Variants in RIT2 observed in about 807,000 individuals in gnomAD.
The protein encoded by RIT2 is Ras like without CAAX 2.
A neutral mutation model predicts 23.7 loss-of-function variants in RIT2; 24 were observed. That is an observed-to-expected ratio of 1.01 (90% CI 0.73 to 1.43). The LOEUF (loss-of-function observed/expected upper bound fraction) is 1.43. RIT2 is among the 40% of genes most tolerant of loss of function. RIT2 has a pLI of 0.00. For missense variants in RIT2, 236 were observed against 266.9 expected (o/e 0.88, Z 0.81); for synonymous variants, 107 against 91.1 (o/e 1.17, Z -0.99).
At chr18:43,087,505 A>G (rs1913313760) in intron 1 of RIT2, among the ~76,000 whole-genome samples, 1 of 152,138 alleles carries the variant, frequency 6.6e-6, no homozygotes, top group Non-Finnish European at 1.5e-5. Flanking sequence ...ATTACTTTTA[A>G]TTATTCATGA....
chr18:42,938,480 C>A (rs1363755707), intron 3 of RIT2, among the ~76,000 whole-genome samples: 1 of 152,112 alleles, frequency 6.6e-6, no homozygotes, highest in Non-Finnish European at 1.5e-5. Context: ...TTTGGTACTT[C>A]CTTTCCTCCT....
chr18:43,063,286 C>T (rs1018630142), intron 1 of RIT2, among the ~76,000 whole-genome samples: 1 of 152,148 alleles, frequency 6.6e-6, no homozygotes, highest in South Asian at 2.1e-4. Context: ...ATTTTTCTCA[C>T]AGCCAACCGT....
At chr18:43,013,291 T>A (rs148039709) in intron 2 of RIT2, among the ~76,000 whole-genome samples, 26 of 151,978 alleles carry the variant, frequency 1.7e-4, no homozygotes, top group Non-Finnish European at 3.5e-4. Context: ...TTTTAAACAA[T>A]GCAAACATGA....
chr18:43,112,348 T>C (rs146643717), intron 1 of RIT2, among the ~76,000 whole-genome samples: 1 of 152,222 alleles, frequency 6.6e-6, no homozygotes, highest in Non-Finnish European at 1.5e-5. Flanking sequence ...TAGGACTGAG[T>C]ATAAGCGTGA....
At chr18:42,840,604 C>T (rs113954289) in intron 4 of RIT2, among the ~76,000 whole-genome samples, 3,075 of 152,246 alleles carry the variant, frequency 0.02, 94 homozygotes, top group African/African-American at 0.068. Context: ...CAGGCTCAAG[C>T]GATTCTCTTG....
At chr18:42,897,756 T>A (rs1020886224) in intron 4 of RIT2, among the ~76,000 whole-genome samples, 1 of 152,092 alleles carries the variant, frequency 6.6e-6, no homozygotes, top group Non-Finnish European at 1.5e-5. Flanking sequence ...TAACTAGACA[T>A]ATAATTTTAA....
intron 1 of RIT2, among the ~76,000 whole-genome samples, chr18:43,107,058 G>A (rs184559746): frequency 5.9e-5 from 9 of 152,228 alleles, no homozygotes; most frequent in African/African-American, 1.7e-4. Flanking sequence ...GTGTACAGTC[G>A]CAATCCCACC....
chr18:43,026,573 T>TAAGAAAGAAAGA lies in RIT2; in HGVS notation c.160+7226_160+7237dup, dbSNP rs199513808. On this transcript the variant is annotated intron_variant, in intron 2 of 4. Coordinates refer to ENST00000326695, the MANE Select transcript of RIT2 (RefSeq NM_002930.4). ...GTCAAAAAAAAAAGTAAGAAATAAA[T>TAAGAAAGAAAGA]AAGAAAGAAAGAAAGAAAGAAAGAA... Among the ~76,000 whole-genome samples, 605 of 77,320 alleles carry TAAGAAAGAAAGA rather than the reference T, an allele frequency of 7.8e-3. 12 individuals are homozygous for TAAGAAAGAAAGA. The highest frequency in any genetic ancestry group is 0.015 in the African/African-American group (337 of 22,582). 50.7% of individuals were successfully genotyped at this position (77,320 alleles called of 152,430 possible). A position where few individuals can be genotyped will look rare whatever the true frequency, so the allele number is the denominator to read the frequency against.
At chr18:42,983,682 C>T (rs1021172585) in intron 2 of RIT2, among the ~76,000 whole-genome samples, 2 of 151,888 alleles carry the variant, frequency 1.3e-5, no homozygotes, top group African/African-American at 2.4e-5. Context: ...AATCCAATTA[C>T]AAAGTGATCA....
intron 4 of RIT2, among the ~76,000 whole-genome samples, chr18:42,923,097 A>G (rs373495627): frequency 2.2e-4 from 34 of 152,294 alleles, no homozygotes; most frequent in Admixed American, 4.6e-4. Flanking sequence ...TTACAGTTAC[A>G]TGGTGGCTGG....
At chr18:43,100,987 GTGTT>G (rs1385384867) in intron 1 of RIT2, among the ~76,000 whole-genome samples, 1 of 151,728 alleles carries the variant, frequency 6.6e-6, no homozygotes, top group Non-Finnish European at 1.5e-5. Flanking sequence ...ATATGTGTGT[GTGTT>G]TGTATTCACA....
At chr18:43,011,966 A>C (rs1408813976) in intron 2 of RIT2, among the ~76,000 whole-genome samples, 2 of 151,868 alleles carry the variant, frequency 1.3e-5, no homozygotes, top group Non-Finnish European at 1.5e-5. Context: ...ATGGTAAGAT[A>C]TTTAAGGTCG....
chr18:43,099,711 G>C (rs1913638554), intron 1 of RIT2, among the ~76,000 whole-genome samples: 1 of 152,016 alleles, frequency 6.6e-6, no homozygotes, highest in Non-Finnish European at 1.5e-5. Flanking sequence ...GCTCTCTTTT[G>C]CTGCATAACA....
intron 4 of RIT2, among the ~76,000 whole-genome samples, chr18:42,878,741 A>C (rs1456897833): frequency 6.6e-6 from 1 of 151,936 alleles, no homozygotes; most frequent in Non-Finnish European, 1.5e-5. Context: ...TACAAACCAT[A>C]CTTACATTGT....
intron 1 of RIT2, among the ~76,000 whole-genome samples, chr18:43,071,380 G>A (rs897184119): frequency 1.2e-4 from 19 of 152,118 alleles, no homozygotes; most frequent in African/African-American, 4.6e-4. Flanking sequence ...AGTTGGGGTG[G>A]CGGGGGGCGA....
intron 4 of RIT2, among the ~76,000 whole-genome samples, chr18:42,772,221 C>T (rs1913568214): frequency 6.6e-6 from 1 of 152,134 alleles, no homozygotes; most frequent in African/African-American, 2.4e-5. Flanking sequence ...TGAGTGCTTC[C>T]TCTTCCTTCA....
intron 1 of RIT2, among the ~76,000 whole-genome samples, chr18:43,105,118 GTGTGTGTGTGTGTT>G (rs937722617): frequency 2.0e-5 from 3 of 150,586 alleles, no homozygotes; most frequent in African/African-American, 7.4e-5. Flanking sequence ...GTGTGTGTGT[GTGTGTGTGTGTGTT>G]TGTGTGTGTG....
intron 4 of RIT2, among the ~76,000 whole-genome samples, chr18:42,765,514 C>A (rs536819412): frequency 1.3e-5 from 2 of 152,052 alleles, no homozygotes; most frequent in Admixed American, 6.6e-5. Flanking sequence ...TGATAGATGA[C>A]CTGCCATATT....
intron 4 of RIT2, among the ~76,000 whole-genome samples, chr18:42,746,450 G>C (rs1912918541): frequency 6.6e-6 from 1 of 151,974 alleles, no homozygotes; most frequent in Non-Finnish European, 1.5e-5. Context: ...CATGAAGAAA[G>C]CTGCTATAGT....
Sources: allele counts gnomAD v4.1 joint callset (sites outside exome capture counted in the v4.1 genomes callset), GRCh38; gene constraint gnomAD v4.1.1; transcripts MANE v1.5; gene names NCBI Gene and HGNC (gene_info 2026-07-23, HGNC 2026-07-21).